Variants in ZFYVE28 observed in about 807,000 individuals in gnomAD.
ZFYVE28 encodes the protein zinc finger FYVE-type containing 28, also known as lateral signaling target protein 2 homolog.
A neutral mutation model predicts 82.1 loss-of-function variants in ZFYVE28; 40 were observed. The ratio of observed to expected loss-of-function variants is 0.49; its 90% CI spans 0.38 to 0.63. ZFYVE28 has a LOEUF of 0.63. Among genes scored for constraint, ZFYVE28 ranks in the 30% least tolerant of loss-of-function variants. The probability of loss-of-function intolerance (pLI) is 0.00; values close to 1 mark genes in which losing one functional copy is unlikely to be tolerated. For synonymous variants in ZFYVE28, 612 were observed against 546.1 expected, an observed-to-expected ratio of 1.12 and a Z score of -1.68; for missense variants, 1,321 against 1,242.1, an observed-to-expected ratio of 1.06 and a Z score of -0.96.
intron 8 of ZFYVE28, among the ~76,000 whole-genome samples, chr4:2,287,922 A>G (rs1713011402): frequency 6.6e-6 from 1 of 151,896 alleles, no homozygotes. Flanking sequence ...AAAATTAGCT[A>G]TTTTCCCATC....
intron 1 of ZFYVE28, among the ~76,000 whole-genome samples, chr4:2,359,467 G>A (rs746623870): frequency 2.0e-5 from 3 of 152,144 alleles, no homozygotes; most frequent in Non-Finnish European, 4.4e-5. Context: ...GTTAAATGAG[G>A]TCATCAGGGC....
chr4:2,283,760 G>T (rs1004734470), intron 8 of ZFYVE28, among the ~76,000 whole-genome samples: 2 of 152,260 alleles, frequency 1.3e-5, no homozygotes, highest in African/African-American at 4.8e-5. Context: ...CAAGGGTGTT[G>T]TTGTGGGAGG....
chr4:2,362,777 G>A lies in ZFYVE28; in HGVS notation c.40-8704C>T, dbSNP rs1473354166. On this transcript the variant is annotated intron_variant, in intron 1 of 12. Transcript: ENST00000290974. The surrounding 1 kb of genome is among the most constrained non-coding windows in gnomAD (Gnocchi z 5.1). ...CTACTGTCTCCCTCCCCATCCATCT[G>A]TCCCCTTTCTCTGCCCTCCTCTGGG... 6.6e-6 allele frequency among the ~76,000 whole-genome samples: 1 copy of A among 152,110 alleles called. No homozygotes were observed. Among genetic ancestry groups the A allele is most frequent in the Non-Finnish European group, 1.5e-5 (1 of 68,012 alleles).
chr4:2,315,764 G>GT (rs1718115980), intron 7 of ZFYVE28, among the ~76,000 whole-genome samples: 1 of 152,112 alleles, frequency 6.6e-6, no homozygotes, highest in South Asian at 2.1e-4. Flanking sequence ...ATGCTGGTTG[G>GT]TTTTTTGTTT....
chr4:2,271,488 C>G (rs1280813607), intron 11 of ZFYVE28, 74 bp from the exon 12 acceptor site: 1 of 1,518,146 alleles, frequency 6.6e-7, no homozygotes, highest in East Asian at 2.3e-5. Context: ...TCAACCTACC[C>G]TGGGCCCTCC....
chr4:2,277,324 C>G (rs2108800788), intron 8 of ZFYVE28, among the ~76,000 whole-genome samples: 1 of 152,012 alleles, frequency 6.6e-6, no homozygotes, highest in East Asian at 1.9e-4. Context: ...TAATAAAATA[C>G]AAAAAATTAG....
chr4:2,380,109 G>C (rs1229011092), intron 1 of ZFYVE28, among the ~76,000 whole-genome samples: 1 of 152,180 alleles, frequency 6.6e-6, no homozygotes, highest in Non-Finnish European at 1.5e-5. Flanking sequence ...AATAGTATTA[G>C]TATACAATCG....
Position 2,394,749 on chromosome 4 carries a change from C to T in ZFYVE28, c.39+23536G>A, listed in dbSNP as rs556228050. 4.9e-4 allele frequency among the ~76,000 whole-genome samples: 75 copies of T among 152,250 alleles called. No homozygotes were observed. Among genetic ancestry groups the T allele is most frequent in the Non-Finnish European group, 7.6e-4 (52 of 68,048 alleles). On this transcript the variant is annotated intron_variant, in intron 1 of 12. Coordinates refer to ENST00000290974, the MANE Select transcript of ZFYVE28 (RefSeq NM_020972.3). This position sits in a 1 kb window ranked among gnomAD's most constrained non-coding sequence, Gnocchi z 4.0. ...GCAGCTGCATCGATGCCTGACTGCA[C>T]GTGTGCGTGCTTCCATTACACTGTC... is the stretch of plus-strand genomic sequence containing the variant.
chr4:2,410,358 T>A (rs1253500762), intron 1 of ZFYVE28, among the ~76,000 whole-genome samples: 3 of 152,098 alleles, frequency 2.0e-5, no homozygotes, highest in Non-Finnish European at 2.9e-5. Flanking sequence ...AGAAATGGAA[T>A]CATACAAGAC....
At chr4:2,284,168 G>A (rs1007222916) in intron 8 of ZFYVE28, among the ~76,000 whole-genome samples, 2 of 152,186 alleles carry the variant, frequency 1.3e-5, no homozygotes, top group South Asian at 2.1e-4. Context: ...ACACAAGACC[G>A]GATTCACGTG....
intron 9 of ZFYVE28, among the ~76,000 whole-genome samples, chr4:2,273,759 G>C (rs1334252045): frequency 6.6e-6 from 1 of 152,160 alleles, no homozygotes; most frequent in Non-Finnish European, 1.5e-5. Context: ...TGGGAGCCCA[G>C]GGTGGACCCT....
At position 2,391,738 on chromosome 4, in the gene ZFYVE28, C is replaced by CTTTTTT. The variant is rs374413016; in HGVS notation, c.39+26546_39+26547insAAAAAA. The stretch of plus-strand genomic sequence containing the variant: ...GGCTTCCTGTAAGTCAATTCTCTCT[C>CTTTTTT]TCTTTTTTTTTTTTTGTGACTGAGT... On this transcript the variant is annotated intron_variant, in intron 1 of 12. Transcript: ENST00000290974. 7.2e-5 allele frequency among the ~76,000 whole-genome samples: 10 copies of CTTTTTT among 139,768 alleles called. 1 individual carries two copies. Among genetic ancestry groups the CTTTTTT allele is most frequent in the African/African-American group, 7.9e-5 (3 of 37,900 alleles). 91.7% of individuals were successfully genotyped at this position (139,768 alleles called of 152,430 possible).
chr4:2,310,722 T>C (rs557026920), intron 7 of ZFYVE28, among the ~76,000 whole-genome samples: 3 of 152,342 alleles, frequency 2.0e-5, no homozygotes, highest in Non-Finnish European at 4.4e-5. Flanking sequence ...GAGGATCGCT[T>C]GAGCCTGGGA....
intron 6 of ZFYVE28, among the ~76,000 whole-genome samples, chr4:2,331,521 A>G (rs1039710992): frequency 6.6e-6 from 1 of 152,158 alleles, no homozygotes; most frequent in African/African-American, 2.4e-5. Context: ...TTAAAAACAA[A>G]AAAAAGAAAC....
rs756142879 is a variant in ZFYVE28, at chr4:2,418,255, G to A, written c.39+30C>T. The A allele has an allele frequency of 2.0e-6, 3 of 1,534,282 alleles. No homozygotes were observed. The highest frequency in any genetic ancestry group is 1.4e-5 in the African/African-American group (1 of 71,736). On this transcript the variant is annotated intron_variant, in intron 1 of 12. Transcript: ENST00000290974. The surrounding 1 kb of genome is among the most constrained non-coding windows in gnomAD (Gnocchi z 4.6). ...GGGGAAGGGAGAGGCCGCGACGCGG[G>A]GGGCGTCCGGCCCGAGCGGGGCCGC...
At chr4:2,271,470 C>G in intron 11 of ZFYVE28, 56 bp from the exon 12 acceptor site, 1 of 1,575,286 alleles carries the variant, frequency 6.3e-7, no homozygotes. Flanking sequence ...TGGGCTGGGC[C>G]GGGACCCTCA....
intron 8 of ZFYVE28, among the ~76,000 whole-genome samples, chr4:2,282,039 C>T (rs1034331011): frequency 5.9e-5 from 9 of 152,230 alleles, no homozygotes; most frequent in Admixed American, 5.9e-4. Flanking sequence ...GTGAAGGGCA[C>T]CTGCCCTGCC....
intron 8 of ZFYVE28, among the ~76,000 whole-genome samples, chr4:2,274,498 C>A (rs889376672): frequency 5.3e-5 from 8 of 152,064 alleles, no homozygotes; most frequent in Admixed American, 5.2e-4. Flanking sequence ...GGCGACTCAC[C>A]CACTGAGGCT....
intron 1 of ZFYVE28, among the ~76,000 whole-genome samples, chr4:2,357,532 C>A (rs3135128): frequency 0.52 from 78,798 of 151,956 alleles, 21,177 homozygotes; most frequent in Admixed American, 0.64. Flanking sequence ...CACCAGCTCC[C>A]TTATGGCCCC....
Sources: gnomAD v4.1 joint callset for allele counts (sites outside exome capture counted in the v4.1 genomes callset) on GRCh38, gnomAD v4.1.1 for gene constraint, Gnocchi (gnomAD v3.1) non-coding constraint, MANE v1.5 for transcripts, NCBI Gene and HGNC (gene_info 2026-07-23, HGNC 2026-07-21) for gene names.